The following PTPRK variants were observed in gnomAD, a reference collection of about 807,000 sequenced individuals.
PTPRK encodes receptor-type tyrosine-protein phosphatase kappa.
In PTPRK, 75 loss-of-function variants were observed where a neutral mutation model predicts 178.0. The observed-to-expected ratio is 0.42, with a 90% CI of 0.35 to 0.51. PTPRK has a LOEUF of 0.51. Among genes scored for constraint, PTPRK ranks in the 20% least tolerant of loss-of-function variants. The pLI, the probability that PTPRK is intolerant of heterozygous loss-of-function variation, is 0.02. For synonymous variants in PTPRK, 637 were observed against 620.6 expected, an observed-to-expected ratio of 1.03 and a Z score of -0.39; for missense variants, 1,441 against 1,797.8, an observed-to-expected ratio of 0.80 and a Z score of 3.59.
In PTPRK at chr6:127,985,887, T is replaced by C. The variant is rs988886365; in HGVS notation, c.3097-12A>G. The C allele has an allele frequency of 1.0e-5, 16 of 1,592,826 alleles. No homozygotes were observed. Among genetic ancestry groups the C allele is most frequent in the East Asian group, 6.8e-5 (3 of 44,422 alleles). ...TCATTGTACCCCCTCTGTGCAAAGA[T>C]GGAAAGAAATGTTTTCAAAAGCCAT... On this transcript the variant is annotated splice_polypyrimidine_tract_variant and intron_variant, in intron 21 of 29. Transcript: ENST00000368226.
At position 128,138,767 on chromosome 6, in the gene PTPRK, T is replaced by C. The variant is rs1040434290; in HGVS notation, c.1162+45665A>G. 2.6e-5 allele frequency among the ~76,000 whole-genome samples: 4 copies of C among 152,116 alleles called. No individual in the cohort carries two copies. In the East Asian group the frequency reaches 7.7e-4, roughly 29 times the overall value. On this transcript the variant is annotated intron_variant, in intron 7 of 29. Transcript: ENST00000368226. ...TTTACAGCATCAGCAATACTGAGCC[T>C]TTCACAGCCTCTGTTTAGTTTTCAG... is the stretch of plus-strand genomic sequence containing the variant.
At chr6:128,028,812 T>C (rs1323541861) in intron 13 of PTPRK, among the ~76,000 whole-genome samples, 1 of 152,186 alleles carries the variant, frequency 6.6e-6, no homozygotes, top group Non-Finnish European at 1.5e-5. Flanking sequence ...TGAAAACAAT[T>C]TTTTTGTTGA....
At chr6:128,197,420 G>A (rs1805078608) in intron 6 of PTPRK, among the ~76,000 whole-genome samples, 1 of 151,722 alleles carries the variant, frequency 6.6e-6, no homozygotes, top group Admixed American at 6.6e-5. Context: ...ATTAATCAGA[G>A]AAGTATACTA....
intron 1 of PTPRK, among the ~76,000 whole-genome samples, chr6:128,500,217 G>A (rs1855336618): frequency 6.6e-6 from 1 of 152,178 alleles, no homozygotes; most frequent in Admixed American, 6.5e-5. Flanking sequence ...TAAATATAGT[G>A]AGACATGAAC....
intron 13 of PTPRK, among the ~76,000 whole-genome samples, chr6:128,061,883 TATATATCCACACACA>T (rs1780895826): frequency 6.6e-6 from 1 of 152,160 alleles, no homozygotes; most frequent in Non-Finnish European, 1.5e-5. Flanking sequence ...CCTATCTACC[TATATATCCACACACA>T]AATTTATAAG....
intron 1 of PTPRK, among the ~76,000 whole-genome samples, chr6:128,420,017 G>A (rs1026107630): frequency 6.6e-6 from 1 of 152,204 alleles, no homozygotes; most frequent in Non-Finnish European, 1.5e-5. Context: ...TTAGCACCTA[G>A]CAAACGAATA....
chr6:128,170,730 C>T (rs991208614), intron 7 of PTPRK, among the ~76,000 whole-genome samples: 9 of 151,974 alleles, frequency 5.9e-5, no homozygotes, highest in African/African-American at 2.2e-4. Context: ...TTCCAAACCA[C>T]ACAGACTTGC....
intron 7 of PTPRK, among the ~76,000 whole-genome samples, chr6:128,104,679 T>C (rs779446954): frequency 1.9e-4 from 29 of 152,338 alleles, no homozygotes; most frequent in Non-Finnish European, 3.5e-4. Flanking sequence ...TTTTTACTGA[T>C]TGAAGGTTAC....
rs117148399 is a variant in PTPRK, at chr6:128,491,770, T to C, written c.100+28489A>G. 29 of 518,460 alleles carry C rather than the reference T, an allele frequency of 5.6e-5. No individual in the cohort carries two copies. In the East Asian group the frequency reaches 1.4e-3, roughly 25 times the overall value. The allele number at this position is 518,460 out of a possible 1,614,324, so 32.1% of individuals were successfully genotyped here. A position where few individuals can be genotyped will look rare whatever the true frequency, so the allele number is the denominator to read the frequency against. On this transcript the variant is annotated intron_variant, in intron 1 of 29. Coordinates refer to ENST00000368226, the MANE Select transcript of PTPRK (RefSeq NM_002844.4). ...CTTCATGATCCTGGCCAGGGTTCTG[T>C]GTGCGTGATAGATGGCGAATGGAAT...
chr6:128,186,237 A>G (rs1298783123), intron 6 of PTPRK, among the ~76,000 whole-genome samples: 1 of 152,122 alleles, frequency 6.6e-6, no homozygotes, highest in African/African-American at 2.4e-5. Flanking sequence ...AGGAAACAAA[A>G]AGAAGACTGA....
chr6:128,197,821 A>G (rs1334357905), intron 6 of PTPRK, among the ~76,000 whole-genome samples: 1 of 152,134 alleles, frequency 6.6e-6, no homozygotes, highest in Non-Finnish European at 1.5e-5. Flanking sequence ...AAAATGCGCT[A>G]CAAATTCTCT....
intron 15 of PTPRK, among the ~76,000 whole-genome samples, chr6:128,004,159 G>A (rs1255715016): frequency 6.6e-6 from 1 of 151,688 alleles, no homozygotes; most frequent in Admixed American, 6.6e-5. Flanking sequence ...CCAAACCGGG[G>A]TGAGCATATC....
In PTPRK at chr6:128,108,078, AC is replaced by A. The variant is rs1562596902; in HGVS notation, c.1163-18087del. On this transcript the variant is annotated intron_variant, in intron 7 of 29. Transcript: ENST00000368226. ...AATCCCTAAATAGCAAAACACACAC[AC>A]ACACACACACACACACACACACACA... Among the ~76,000 whole-genome samples the A allele has an allele frequency of 2.8e-3, 382 of 134,888 alleles. 2 individuals carry two copies. Among genetic ancestry groups the A allele is most frequent in the African/African-American group, 1.0e-2 (365 of 36,664 alleles). The allele number at this position is 134,888 out of a possible 152,430, so 88.5% of individuals were successfully genotyped here. A position where few individuals can be genotyped will look rare whatever the true frequency, so the allele number is the denominator to read the frequency against.
chr6:128,324,592 T>C (rs1829294680), intron 2 of PTPRK, among the ~76,000 whole-genome samples: 2 of 152,068 alleles, frequency 1.3e-5, no homozygotes, highest in South Asian at 4.1e-4. Context: ...TAAAGAAAAA[T>C]AGTGTTGATA....
intron 3 of PTPRK, among the ~76,000 whole-genome samples, chr6:128,296,398 G>C (rs894005059): frequency 4.6e-5 from 7 of 152,060 alleles, no homozygotes; most frequent in Non-Finnish European, 1.0e-4. Flanking sequence ...TCCTCGAGAA[G>C]AGCAACTCCA....
At chr6:128,437,271 G>C (rs1845717785) in intron 1 of PTPRK, among the ~76,000 whole-genome samples, 1 of 152,166 alleles carries the variant, frequency 6.6e-6, no homozygotes, top group African/African-American at 2.4e-5. Flanking sequence ...ATATAAGAAA[G>C]TAACAATATT....
intron 2 of PTPRK, among the ~76,000 whole-genome samples, chr6:128,393,038 A>AT (rs531542025): frequency 1.9e-4 from 28 of 151,100 alleles, no homozygotes; most frequent in African/African-American, 6.8e-4. Context: ...AAGAAAAATA[A>AT]TTTTTTTTGA....
At chr6:127,980,038 C>T (rs1009752055) in intron 25 of PTPRK, among the ~76,000 whole-genome samples, 3 of 152,054 alleles carry the variant, frequency 2.0e-5, no homozygotes, top group East Asian at 1.9e-4. Flanking sequence ...AGGCCCGGCA[C>T]GGTGGCTTAC....
At chr6:128,145,154 AT>A (rs1400395546) in intron 7 of PTPRK, among the ~76,000 whole-genome samples, 1 of 152,174 alleles carries the variant, frequency 6.6e-6, no homozygotes, top group African/African-American at 2.4e-5. Flanking sequence ...GGCATAAACA[AT>A]TAAAAGGCAC....
Sources: allele counts gnomAD v4.1 joint callset (sites outside exome capture counted in the v4.1 genomes callset), GRCh38; gene constraint gnomAD v4.1.1; transcripts MANE v1.5; gene names NCBI Gene and HGNC (gene_info 2026-07-23, HGNC 2026-07-21).